FSTL1: variants seen among roughly 807,000 people sequenced by gnomAD.
FSTL1 encodes the protein follistatin-related protein 1.
In FSTL1, 24 loss-of-function variants were observed where a neutral mutation model predicts 45.9. The observed-to-expected ratio is 0.52, with a 90% confidence interval of 0.38 to 0.74. The LOEUF (loss-of-function observed/expected upper bound fraction) is 0.74. Ranked by LOEUF, FSTL1 falls within the 30% of genes least tolerant of loss-of-function variation. FSTL1 has a pLI of 0.00. For synonymous variants in FSTL1, 120 were observed against 137.6 expected (o/e 0.87, Z 0.89); for missense variants, 340 against 381.8 (o/e 0.89, Z 0.91).
At chr3:120,415,485 C>G (rs536044789) in intron 3 of FSTL1, among the ~76,000 whole-genome samples, 1 of 152,050 alleles carries the variant, frequency 6.6e-6, no homozygotes, top group East Asian at 1.9e-4. Context: ...ATATCATGAT[C>G]CCATTTTTGC....
At chr3:120,423,480 A>G (rs1004882036) in intron 2 of FSTL1, 3 of 152,148 alleles carry the variant, frequency 2.0e-5, no homozygotes, top group African/African-American at 7.2e-5. Flanking sequence ...ATAGGGCTGA[A>G]AATCATCTCA....
chr3:120,399,741 C>A lies in FSTL1; in HGVS notation c.882+142G>T, dbSNP rs1576205629. The A allele has an allele frequency of 1.1e-5, 7 of 614,472 alleles. No homozygotes were observed. In the East Asian group the frequency reaches 1.9e-4, roughly 17 times the overall value. 38.1% of individuals were successfully genotyped at this position (614,472 alleles called of 1,614,324 possible). A position where few individuals can be genotyped will look rare whatever the true frequency, so the allele number is the denominator to read the frequency against. On this transcript the variant is annotated intron_variant, in intron 10 of 10. Coordinates refer to ENST00000295633, the MANE Select transcript of FSTL1 (RefSeq NM_007085.5). ...CTGTCTGTATCACAGTTTGATAGTA[C>A]AGGTGATGGGGTATCACTCAAGATG... is the stretch of plus-strand genomic sequence containing the variant.
intron 5 of FSTL1, 147 bp downstream of exon 5, chr3:120,410,805 G>T: frequency 1.3e-6 from 1 of 764,644 alleles, no homozygotes; most frequent in Non-Finnish European, 2.4e-6. Flanking sequence ...GCTTTTCTGA[G>T]CTGTGTTGAG....
chr3:120,427,429 T>C (rs956228015), intron 2 of FSTL1, among the ~76,000 whole-genome samples: 1 of 152,194 alleles, frequency 6.6e-6, no homozygotes, highest in Non-Finnish European at 1.5e-5. Flanking sequence ...TGCCACTCCA[T>C]TAACCTTTGT....
At chr3:120,431,304 T>C (rs1937474503) in intron 2 of FSTL1, among the ~76,000 whole-genome samples, 1 of 151,968 alleles carries the variant, frequency 6.6e-6, no homozygotes, top group Admixed American at 6.6e-5. Flanking sequence ...TCAAAAGAAA[T>C]AAGGTGAAAT....
At chr3:120,403,974 A>AAC (rs1378038334) in intron 7 of FSTL1, among the ~76,000 whole-genome samples, 77 of 35,002 alleles carry the variant, frequency 2.2e-3, no homozygotes, top group African/African-American at 6.5e-3. Context: ...AAACAAAAAC[A>AAC]AAAAAAAACA....
chr3:120,406,523 A>G (rs192701075), intron 6 of FSTL1, among the ~76,000 whole-genome samples: 1 of 152,334 alleles, frequency 6.6e-6, no homozygotes, highest in East Asian at 1.9e-4. Context: ...AGTGCTGTGT[A>G]CACACACTTC....
At chr3:120,440,066 T>C (rs1055562628) in intron 2 of FSTL1, among the ~76,000 whole-genome samples, 43 of 152,098 alleles carry the variant, frequency 2.8e-4, no homozygotes, top group Admixed American at 2.2e-3. Flanking sequence ...TGAGCTAAGA[T>C]TGTGTCACTG....
intron 2 of FSTL1, among the ~76,000 whole-genome samples, chr3:120,439,098 C>A (rs938236504): frequency 6.6e-6 from 1 of 152,176 alleles, no homozygotes; most frequent in African/African-American, 2.4e-5. Flanking sequence ...TAGACTTTAA[C>A]TGGCCTCTCC....
chr3:120,450,079 A>C (rs1397158408), intron 2 of FSTL1, among the ~76,000 whole-genome samples: 1 of 152,158 alleles, frequency 6.6e-6, no homozygotes, highest in East Asian at 1.9e-4. Context: ...CGAGCCCCCA[A>C]AGAGCAGAGC....
rs763574056 is a variant in FSTL1 at position 120,450,710 on chromosome 3, C to T, written c.37G>A (p.Val13Met). Residue 13 changes from valine (V) to methionine (M), a missense_variant, in exon 2 of 11, where the codon GTG becomes ATG. Transcript: ENST00000295633. ...KRWLALALAL[V>M]AVAWVRAEEE... ...TCGGCGCGGACCCAGGCGACCGCCA[C>T]CAGCGCGAGCGCGAGCGCGAGCCAG... 1 of 1,570,704 alleles carries T rather than the reference C, an allele frequency of 6.4e-7. No individual in the cohort carries two copies. The highest frequency in any genetic ancestry group is 8.6e-7 in the Non-Finnish European group (1 of 1,166,116).
At chr3:120,443,328 C>T (rs558810079) in intron 2 of FSTL1, among the ~76,000 whole-genome samples, 2 of 149,494 alleles carry the variant, frequency 1.3e-5, no homozygotes, top group Non-Finnish European at 2.9e-5. Flanking sequence ...GGCCAAGCAG[C>T]GATGGTGGTA....
chr3:120,433,708 A>G (rs1041975489), intron 2 of FSTL1, among the ~76,000 whole-genome samples: 1 of 152,208 alleles, frequency 6.6e-6, no homozygotes, highest in Non-Finnish European at 1.5e-5. Flanking sequence ...GAACTCTGGG[A>G]GAGAGGGCAC....
intron 6 of FSTL1, among the ~76,000 whole-genome samples, chr3:120,405,301 C>T (rs111570626): frequency 3.9e-5 from 6 of 152,328 alleles, no homozygotes; most frequent in African/African-American, 1.4e-4. Context: ...CCAACCTGCA[C>T]ATCATGTTCT....
chr3:120,409,697 C>T, intron 5 of FSTL1, 35 bp from the exon 6 acceptor site: 10 of 1,609,940 alleles, frequency 6.2e-6, no homozygotes, highest in Non-Finnish European at 8.5e-6. Context: ...CTGGAGCAGT[C>T]AGGGGAGGAC....
intron 2 of FSTL1, among the ~76,000 whole-genome samples, chr3:120,447,964 T>TTG (rs1466518727): frequency 6.6e-6 from 1 of 152,214 alleles, no homozygotes; most frequent in Non-Finnish European, 1.5e-5. Context: ...TTTATGACTT[T>TTG]TGTTAATAGC....
At chr3:120,415,791 C>T (rs138639111) in intron 3 of FSTL1, 132 bp downstream of exon 3, 43 of 525,080 alleles carry the variant, frequency 8.2e-5, no homozygotes, top group Admixed American at 1.3e-4. Flanking sequence ...AAGAATTCCA[C>T]GTTTTTCAGG....
chr3:120,419,937 T>C (rs1461637071), intron 2 of FSTL1, among the ~76,000 whole-genome samples: 2 of 152,202 alleles, frequency 1.3e-5, no homozygotes, highest in Non-Finnish European at 2.9e-5. Flanking sequence ...TCTGTATTTT[T>C]AGTCCCATGT....
At chr3:120,442,354 A>C (rs989245129) in intron 2 of FSTL1, among the ~76,000 whole-genome samples, 1 of 151,378 alleles carries the variant, frequency 6.6e-6, no homozygotes, top group South Asian at 2.1e-4. Context: ...CTGAAGATAC[A>C]AGTTAGAGAC....
Sources: gnomAD v4.1 joint callset for allele counts (sites outside exome capture counted in the v4.1 genomes callset) on GRCh38, gnomAD v4.1.1 for gene constraint, MANE v1.5 for transcripts, NCBI Gene and HGNC (gene_info 2026-07-23, HGNC 2026-07-21) for gene names.